PSD2: variants seen among roughly 807,000 people sequenced by gnomAD.
The protein encoded by PSD2 is pleckstrin and Sec7 domain containing 2, also known as PH and SEC7 domain-containing protein 2.
In PSD2, 38 loss-of-function variants were observed where a neutral mutation model predicts 69.8. The observed-to-expected ratio is 0.54, with a 90% confidence interval of 0.42 to 0.71. PSD2 has a LOEUF of 0.71. PSD2 is among the 30% of genes least tolerant of loss of function. The pLI is 0.00. For synonymous variants in PSD2, 412 were observed against 423.0 expected (o/e 0.97, Z 0.32); for missense variants, 943 against 1,014.5 (o/e 0.93, Z 0.96).
chr5:139,797,027 G>A (rs1313071349), intron 1 of PSD2, among the ~76,000 whole-genome samples: 1 of 152,112 alleles, frequency 6.6e-6, no homozygotes, highest in Non-Finnish European at 1.5e-5. Flanking sequence ...GTGGTTGGGG[G>A]TGGGGGGGTT....
intron 7 of PSD2, among the ~76,000 whole-genome samples, chr5:139,828,563 G>C (rs930140123): frequency 3.3e-5 from 5 of 152,196 alleles, no homozygotes; most frequent in East Asian, 3.8e-4. Flanking sequence ...TATAATTAAG[G>C]TTTAGCCTAG....
At chr5:139,831,166 C>G (rs1252414815) in intron 7 of PSD2, among the ~76,000 whole-genome samples, 1 of 152,130 alleles carries the variant, frequency 6.6e-6, no homozygotes, top group African/African-American at 2.4e-5. Flanking sequence ...CCTTTTATCA[C>G]TATGAACATG....
At position 139,842,748 on chromosome 5, in the gene PSD2, T is replaced by C. The variant is rs1447332670; in HGVS notation, c.*274T>C. 4.9e-6 allele frequency: 2 copies of C among 412,250 alleles called. No individual in the cohort carries two copies. The highest frequency in any genetic ancestry group is 4.0e-5 in the African/African-American group (2 of 50,082). 25.5% of individuals were successfully genotyped at this position (412,250 alleles called of 1,614,324 possible). A position where few individuals can be genotyped will look rare whatever the true frequency, so the allele number is the denominator to read the frequency against. ...TTGTAGGCCAGTTGTGTGCATGCTC[T>C]AGACACCACCTCGCTGGAGAAGCTG... On this transcript the variant is annotated 3_prime_UTR_variant, in exon 15 of 15. Coordinates refer to ENST00000274710, the MANE Select transcript of PSD2 (RefSeq NM_032289.4).
chr5:139,766,841 T>TTCTC, the PSD2 span, among the ~76,000 whole-genome samples: 130 of 143,908 alleles, frequency 9.0e-4, 1 homozygote, highest in Non-Finnish European at 1.6e-3. Flanking sequence ...CTTTCTTTCT[T>TTCTC]TCTTTCTTTC....
chr5:139,757,839 A>G, the PSD2 span, among the ~76,000 whole-genome samples: 1 of 152,136 alleles, frequency 6.6e-6, no homozygotes, highest in East Asian at 1.9e-4. Context: ...ACTGAGGAGA[A>G]TGGAGGAGTA....
At chr5:139,786,720 C>T in the PSD2 span, among the ~76,000 whole-genome samples, 3 of 152,138 alleles carry the variant, frequency 2.0e-5, no homozygotes, top group Non-Finnish European at 4.4e-5. Context: ...AGACTGAGTC[C>T]TGAGACTTCT....
the PSD2 span, among the ~76,000 whole-genome samples, chr5:139,765,173 C>T: frequency 6.6e-6 from 1 of 152,120 alleles, no homozygotes; most frequent in Admixed American, 6.5e-5. Flanking sequence ...CCACTCAGTG[C>T]CCCTTCTGCT....
At chr5:139,819,103 A>G (rs1760193458) in intron 5 of PSD2, among the ~76,000 whole-genome samples, 1 of 152,138 alleles carries the variant, frequency 6.6e-6, no homozygotes, top group East Asian at 1.9e-4. Context: ...TAATAACTTA[A>G]AAAAATTGGA....
At position 139,811,883 on chromosome 5, in the gene PSD2, G is replaced by A. The variant is rs138146070; in HGVS notation, c.372-1426G>A. Among the ~76,000 whole-genome samples, 663 of 152,124 alleles carry A rather than the reference G, an allele frequency of 4.4e-3. 1 individual carries two copies. Among genetic ancestry groups the A allele is most frequent in the African/African-American group, 0.013 (550 of 41,500 alleles). On this transcript the variant is annotated intron_variant, in intron 2 of 14. Coordinates refer to ENST00000274710, the MANE Select transcript of PSD2 (RefSeq NM_032289.4). ...GCTGGGATTACAGCCGTGAGCCACC[G>A]CGCCTGGCCGTCTGTCTAGCTCTTT...
At chr5:139,798,569 A>G (rs986975923) in intron 1 of PSD2, among the ~76,000 whole-genome samples, 12 of 152,178 alleles carry the variant, frequency 7.9e-5, no homozygotes, top group African/African-American at 2.9e-4. Context: ...GTCAAAGCTG[A>G]TAGTATAGTG....
chr5:139,768,912 ACAGC>A, the PSD2 span, among the ~76,000 whole-genome samples: 1 of 152,124 alleles, frequency 6.6e-6, no homozygotes. Flanking sequence ...CCAGACTCCC[ACAGC>A]CTGTGAACTC....
intron 8 of PSD2, 127 bp from the exon 9 acceptor site, chr5:139,835,596 A>G: frequency 1.1e-6 from 1 of 910,062 alleles, no homozygotes; most frequent in Non-Finnish European, 1.8e-6. Flanking sequence ...ATAAGTATGA[A>G]TCAAACACCC....
intron 8 of PSD2, 124 bp from the exon 9 acceptor site, chr5:139,835,599 A>C (rs1364081227): frequency 1.1e-6 from 1 of 932,760 alleles, no homozygotes; most frequent in Non-Finnish European, 1.7e-6. Flanking sequence ...AGTATGAATC[A>C]AACACCCACT....
the PSD2 span, among the ~76,000 whole-genome samples, chr5:139,771,156 T>C: frequency 6.6e-6 from 1 of 152,252 alleles, no homozygotes; most frequent in Admixed American, 6.5e-5. Context: ...TCCCTCCTGC[T>C]TTTTGAACAA....
rs368058429 is a variant in PSD2 at position 139,813,647 on chromosome 5, G to A, written c.710G>A (p.Arg237His). Residue 237 changes from arginine (R) to histidine (H), a missense_variant, in exon 3 of 15, where the codon CGC becomes CAC. Physicochemically the swap from Arg to His is conservative, Grantham distance 29. Around this residue, in one of 3 missense-constraint regions of PSD2, gnomAD observed 466 missense variants for 445.0 expected, o/e 1.05. Coordinates refer to ENST00000274710, the MANE Select transcript of PSD2 (RefSeq NM_032289.4). Reference protein sequence around the residue: ...SSSRSENVLSRLSLMAMPNGF... With the variant: ...SSSRSENVLSHLSLMAMPNGF... ...AGCCGCTCTGAGAATGTCCTGAGCC[G>A]CCTGTCTCTCATGGCCATGCCCAAT... is the stretch of plus-strand genomic sequence containing the variant. The A allele has an allele frequency of 5.1e-5, 82 of 1,613,800 alleles. No homozygotes were observed. The highest frequency in any genetic ancestry group is 1.3e-4 in the Admixed American group (8 of 59,966).
chr5:139,796,478 A>T (rs1296773072), intron 1 of PSD2, among the ~76,000 whole-genome samples: 2 of 151,984 alleles, frequency 1.3e-5, no homozygotes, highest in East Asian at 3.9e-4. Flanking sequence ...CCCAACTTTG[A>T]CAGCCCTGCT....
chr5:139,815,239 A>G (rs1204051777), intron 4 of PSD2, among the ~76,000 whole-genome samples: 1 of 151,904 alleles, frequency 6.6e-6, no homozygotes, highest in Admixed American at 6.6e-5. Context: ...CTCCTGCACC[A>G]GGTCCCCAAC....
chr5:139,774,490 GCTTTT>G, the PSD2 span, among the ~76,000 whole-genome samples: 5 of 152,128 alleles, frequency 3.3e-5, no homozygotes, highest in African/African-American at 1.2e-4. Context: ...AGGCTTTCTT[GCTTTT>G]CTTTTCTTTT....
intron 1 of PSD2, among the ~76,000 whole-genome samples, chr5:139,805,812 T>C (rs1581712437): frequency 6.6e-6 from 1 of 151,924 alleles, no homozygotes. Flanking sequence ...GGACATGGGG[T>C]AGAGGGCAGC....
Sources: allele counts gnomAD v4.1 joint callset (sites outside exome capture counted in the v4.1 genomes callset), GRCh38; gene constraint gnomAD v4.1.1; regional missense constraint gnomAD v4.1.1; transcripts MANE v1.5; gene names NCBI Gene and HGNC (gene_info 2026-07-23, HGNC 2026-07-21).